CSMD1: variants seen among roughly 807,000 people sequenced by gnomAD.
The protein encoded by CSMD1 is CUB and Sushi multiple domains 1.
In CSMD1, 213 loss-of-function variants were observed where a neutral mutation model predicts 417.5. The ratio of observed to expected loss-of-function variants is 0.51; its 90% CI spans 0.46 to 0.57. The LOEUF (loss-of-function observed/expected upper bound fraction) is 0.57. CSMD1 is among the 20% of genes least tolerant of loss of function. The pLI is 0.00. For missense variants in CSMD1, 6,923 were observed against 4,529.7 expected (o/e 1.53, Z -15.17); for synonymous variants, 2,862 against 1,736.8 (o/e 1.65, Z -16.11).
chr8:3,147,074 C>T (rs550660585), intron 40 of CSMD1, among the ~76,000 whole-genome samples: 1 of 152,216 alleles, frequency 6.6e-6, no homozygotes, highest in African/African-American at 2.4e-5. Context: ...AGGAGCAACG[C>T]TTACTGGTAG....
intron 3 of CSMD1, among the ~76,000 whole-genome samples, chr8:4,150,994 G>C (rs1796544877): frequency 6.6e-6 from 1 of 152,062 alleles, no homozygotes; most frequent in Non-Finnish European, 1.5e-5. Context: ...ACATTATTTT[G>C]GAGAAATGAT....
At position 3,270,704 on chromosome 8, in the gene CSMD1, C is replaced by T. The variant is rs1032619329; in HGVS notation, c.4153+13440G>A. ...AACATACAAAACCATTTACTTTAAA[C>T]TATTTATCAACAGTGGATGTAAAAT... On this transcript the variant is annotated intron_variant, in intron 26 of 69. Coordinates refer to ENST00000635120, the MANE Select transcript of CSMD1 (RefSeq NM_033225.6). 2.0e-5 allele frequency among the ~76,000 whole-genome samples: 3 copies of T among 152,092 alleles called. No individual in the cohort carries two copies. The South Asian group carries it at 6.2e-4, about 32-fold the overall frequency.
intron 1 of CSMD1, among the ~76,000 whole-genome samples, chr8:4,772,699 C>T (rs1486260038): frequency 6.6e-6 from 1 of 152,070 alleles, no homozygotes; most frequent in African/African-American, 2.4e-5. Context: ...AAAGGATGTG[C>T]ATTGAGTTAA....
intron 62 of CSMD1, among the ~76,000 whole-genome samples, chr8:2,960,667 C>A (rs1443424901): frequency 6.6e-6 from 1 of 151,932 alleles, no homozygotes; most frequent in Non-Finnish European, 1.5e-5. Context: ...GAACTAATTT[C>A]ACAAGTAAGT....
At chr8:3,338,331 G>A (rs10091826) in intron 23 of CSMD1, among the ~76,000 whole-genome samples, 26,801 of 152,104 alleles carry the variant, frequency 0.18, 2,815 homozygotes, top group South Asian at 0.25. Context: ...TCCACAGAAC[G>A]GAAACTAGCA....
chr8:4,166,368 T>A (rs552498369), intron 3 of CSMD1, among the ~76,000 whole-genome samples: 3 of 152,162 alleles, frequency 2.0e-5, no homozygotes, highest in Admixed American at 6.6e-5. Flanking sequence ...CACATGTTAT[T>A]TGGATGCTAA....
chr8:3,418,524 C>T lies in CSMD1; in HGVS notation c.1562-8919G>A, dbSNP rs111464337. Among the ~76,000 whole-genome samples the T allele has an allele frequency of 7.2e-5, 11 of 152,156 alleles. No individual in the cohort carries two copies. The East Asian group carries it at 1.5e-3, about 21-fold the overall frequency. Reference sequence around the variant, plus strand: ...ATATTTACTTGGCCAAATTCCCTGACGGTCCCGCTGATCTAGTAACCCGAT... The same window carrying T: ...ATATTTACTTGGCCAAATTCCCTGATGGTCCCGCTGATCTAGTAACCCGAT... On this transcript the variant is annotated intron_variant, in intron 12 of 69. Coordinates refer to ENST00000635120, the MANE Select transcript of CSMD1 (RefSeq NM_033225.6).
chr8:4,380,844 T>C (rs144006319), intron 3 of CSMD1, among the ~76,000 whole-genome samples: 2 of 152,178 alleles, frequency 1.3e-5, no homozygotes, highest in Non-Finnish European at 1.5e-5. Context: ...GTGTTTAATA[T>C]CTCATTATTT....
chr8:2,999,959 G>A lies in CSMD1; in HGVS notation c.8202C>T (p.Val2734=). The change falls in exon 53 of 70, where the codon GTC becomes GTT. Residue 2734 remains valine (V), a splice_region_variant and synonymous_variant. Coordinates refer to ENST00000635120, the MANE Select transcript of CSMD1 (RefSeq NM_033225.6). ...HKWSGQTPVC[V]PITCGHPGNP... Reference sequence around the variant, plus strand: ...TTCGTCCACAAAGAGTGCACTTACGGACACAGACAGGCGTTTGTCCAGACC... The same window carrying A: ...TTCGTCCACAAAGAGTGCACTTACGAACACAGACAGGCGTTTGTCCAGACC... 6.2e-7 allele frequency: 1 copy of A among 1,607,654 alleles called. No homozygotes were observed. The highest frequency in any genetic ancestry group is 8.5e-7 in the Non-Finnish European group (1 of 1,177,808).
At chr8:3,622,821 T>C (rs1028770551) in intron 7 of CSMD1, among the ~76,000 whole-genome samples, 1 of 152,060 alleles carries the variant, frequency 6.6e-6, no homozygotes, top group South Asian at 2.1e-4. Context: ...CATTGATTCA[T>C]CTAGAAATAA....
At chr8:4,759,697 G>C (rs1163791343) in intron 1 of CSMD1, among the ~76,000 whole-genome samples, 3 of 152,148 alleles carry the variant, frequency 2.0e-5, no homozygotes, top group Admixed American at 6.5e-5. Flanking sequence ...AGCTTGCTGA[G>C]AATAATGGCT....
chr8:3,627,129 G>C (rs959019183), intron 7 of CSMD1, among the ~76,000 whole-genome samples: 6 of 152,042 alleles, frequency 3.9e-5, no homozygotes, highest in Admixed American at 1.3e-4. Flanking sequence ...ATTTGATGTA[G>C]TCACTCAAAA....
chr8:3,637,962 C>T (rs944913720), intron 7 of CSMD1, among the ~76,000 whole-genome samples: 2 of 152,208 alleles, frequency 1.3e-5, no homozygotes, highest in African/African-American at 2.4e-5. Context: ...TCACCTTCTG[C>T]CATGATTGTG....
chr8:3,028,816 C>A (rs1349027166), intron 51 of CSMD1, among the ~76,000 whole-genome samples: 1 of 152,162 alleles, frequency 6.6e-6, no homozygotes, highest in Non-Finnish European at 1.5e-5. Flanking sequence ...GTGCTCTGAA[C>A]AATACTAGCA....
At chr8:4,851,953 AACC>A (rs1284371065) in intron 1 of CSMD1, among the ~76,000 whole-genome samples, 4 of 152,266 alleles carry the variant, frequency 2.6e-5, no homozygotes, top group African/African-American at 4.8e-5. Context: ...AGGCTGAGTA[AACC>A]ACTAGTCTAA....
At chr8:3,509,892 T>G (rs557989995) in intron 10 of CSMD1, among the ~76,000 whole-genome samples, 1 of 152,148 alleles carries the variant, frequency 6.6e-6, no homozygotes, top group Non-Finnish European at 1.5e-5. Flanking sequence ...GGGGAACTCA[T>G]GCCCCAGTGA....
rs1379327 is a variant in CSMD1, at chr8:4,760,162, T to C, written c.86-122604A>G. 1.4e-3 allele frequency among the ~76,000 whole-genome samples: 213 copies of C among 152,352 alleles called. 2 individuals are homozygous for C. Among genetic ancestry groups the C allele is most frequent in the South Asian group, 0.01 (49 of 4,830 alleles). ...TCACACAGGATGTCTGCAATAGTCA[T>C]AGGCTGCAACATCAGTGAACCACAA... On this transcript the variant is annotated intron_variant, in intron 1 of 69. Coordinates refer to ENST00000635120, the MANE Select transcript of CSMD1 (RefSeq NM_033225.6).
intron 3 of CSMD1, among the ~76,000 whole-genome samples, chr8:4,280,706 A>C (rs1339354545): frequency 6.6e-6 from 1 of 152,216 alleles, no homozygotes; most frequent in Non-Finnish European, 1.5e-5. Context: ...GCTCTATAGC[A>C]ATACCGTGTA....
At chr8:4,591,954 C>T (rs539424329) in intron 2 of CSMD1, among the ~76,000 whole-genome samples, 148 of 152,100 alleles carry the variant, frequency 9.7e-4, no homozygotes, top group African/African-American at 3.5e-3. Flanking sequence ...CTAGTGCAAA[C>T]GCCTAGATAG....
Sources: gnomAD v4.1 joint callset for allele counts (sites outside exome capture counted in the v4.1 genomes callset) on GRCh38, gnomAD v4.1.1 for gene constraint, MANE v1.5 for transcripts, NCBI Gene and HGNC (gene_info 2026-07-23, HGNC 2026-07-21) for gene names.